Variants in RALB observed in about 807,000 individuals in gnomAD.
The protein encoded by RALB is ras-related protein Ral-B.
In RALB, 16 loss-of-function variants were observed where a neutral mutation model predicts 21.3. The observed-to-expected ratio is 0.75, with a 90% confidence interval of 0.51 to 1.14. The LOEUF (loss-of-function observed/expected upper bound fraction) is 1.14. RALB is among the 50% of genes most tolerant of loss of function. The probability of loss-of-function intolerance (pLI) is 0.00; values close to 1 mark genes in which losing one functional copy is unlikely to be tolerated. For synonymous variants in RALB, 93 were observed against 96.1 expected (o/e 0.97, Z 0.19); for missense variants, 161 against 256.2 (o/e 0.63, Z 2.54).
At chr2:120,259,550 G>A (rs1247860408) in intron 1 of RALB, among the ~76,000 whole-genome samples, 1 of 152,026 alleles carries the variant, frequency 6.6e-6, no homozygotes, top group Non-Finnish European at 1.5e-5. Context: ...CACCAGAGCA[G>A]CTAGATACAG....
rs185940076 is a variant in RALB at position 120,286,337 on chromosome 2, G to A, written c.323+255G>A. Among the ~76,000 whole-genome samples, 290 of 152,228 alleles carry A rather than the reference G, an allele frequency of 1.9e-3. 2 individuals are homozygous for A. The Middle Eastern group carries it at 0.024, about 13-fold the overall frequency. ...TAATTTTAAGAGTCTTACTGTCCCCGAAAACAATGAAGCTATTCCATATAA... is the reference window on the plus strand; with the variant it reads ...TAATTTTAAGAGTCTTACTGTCCCCAAAAACAATGAAGCTATTCCATATAA... On this transcript the variant is annotated intron_variant, in intron 3 of 4. Transcript: ENST00000272519.
Position 120,252,882 on chromosome 2 carries a change from C to T in RALB, c.-146C>T, listed in dbSNP as rs1689088396. ...CGAGCCCGGCAGCTCAATGACAAAT[C>T]GGTGGAGGACGGCTGGGGTCCGGCC... On this transcript the variant is annotated 5_prime_UTR_variant, in exon 1 of 5. Coordinates refer to ENST00000272519, the MANE Select transcript of RALB (RefSeq NM_002881.3). 2 of 985,482 alleles carry T rather than the reference C, an allele frequency of 2.0e-6. No homozygotes were observed. Among genetic ancestry groups the T allele is most frequent in the Non-Finnish European group, 2.4e-6 (2 of 829,996 alleles). The allele number at this position is 985,482 out of a possible 1,614,324, so 61.0% of individuals were successfully genotyped here.
intron 2 of RALB, among the ~76,000 whole-genome samples, chr2:120,281,980 T>C (rs527310351): frequency 2.6e-5 from 4 of 152,270 alleles, no homozygotes; most frequent in Admixed American, 2.6e-4. Flanking sequence ...CAGCATCTAG[T>C]GCGTGGAGGC....
intron 1 of RALB, among the ~76,000 whole-genome samples, chr2:120,267,927 G>A (rs185825448): frequency 6.6e-6 from 1 of 152,224 alleles, no homozygotes; most frequent in East Asian, 1.9e-4. Flanking sequence ...AAGTAGCTGG[G>A]ATTACAGGCA....
Position 120,252,892 on chromosome 2 carries a change from C to T in RALB, c.-136C>T. 2.0e-6 allele frequency: 2 copies of T among 985,514 alleles called. No homozygotes were observed. The highest frequency in any genetic ancestry group is 1.2e-6 in the Non-Finnish European group (1 of 830,018). 61.0% of individuals were successfully genotyped at this position (985,514 alleles called of 1,614,324 possible). A position where few individuals can be genotyped will look rare whatever the true frequency, so the allele number is the denominator to read the frequency against. The stretch of plus-strand genomic sequence containing the variant: ...AGCTCAATGACAAATCGGTGGAGGA[C>T]GGCTGGGGTCCGGCCCCGGGAGGGG... On this transcript the variant is annotated 5_prime_UTR_variant, in exon 1 of 5. It adds an upstream start codon to the 5' untranslated region. Transcript: ENST00000272519.
intron 1 of RALB, among the ~76,000 whole-genome samples, chr2:120,254,110 T>C (rs1384636563): frequency 6.6e-6 from 1 of 152,156 alleles, no homozygotes. Flanking sequence ...GCACTGCATA[T>C]TGGGAAAAAC....
At chr2:120,282,810 T>G (rs1262770864) in intron 2 of RALB, among the ~76,000 whole-genome samples, 1 of 152,164 alleles carries the variant, frequency 6.6e-6, no homozygotes, top group African/African-American at 2.4e-5. Flanking sequence ...TTCTAATCGA[T>G]TTTCTAAAAC....
At chr2:120,283,417 A>G (rs1450452779) in intron 2 of RALB, among the ~76,000 whole-genome samples, 3 of 151,812 alleles carry the variant, frequency 2.0e-5, no homozygotes, top group Admixed American at 2.0e-4. Context: ...CACCATTCAG[A>G]CTCTTTGTTC....
intron 1 of RALB, among the ~76,000 whole-genome samples, chr2:120,259,342 G>C (rs914656509): frequency 6.6e-6 from 1 of 152,146 alleles, no homozygotes; most frequent in African/African-American, 2.4e-5. Flanking sequence ...TACAATCCCT[G>C]AGCTAGATAC....
intron 2 of RALB, among the ~76,000 whole-genome samples, chr2:120,279,639 T>A (rs1689934706): frequency 6.6e-6 from 1 of 152,152 alleles, no homozygotes. Flanking sequence ...CTGCAGATTT[T>A]GGTATTTGGT....
chr2:120,292,050 T>C (rs1690317617), intron 4 of RALB, among the ~76,000 whole-genome samples: 1 of 152,260 alleles, frequency 6.6e-6, no homozygotes. Context: ...TCATATTTTG[T>C]CTGCTTGGGT....
chr2:120,272,959 C>T (rs981409195), intron 1 of RALB, among the ~76,000 whole-genome samples: 6 of 152,144 alleles, frequency 3.9e-5, no homozygotes, highest in African/African-American at 1.4e-4. Flanking sequence ...GTTTTTGGTA[C>T]AAGAAAAAAC....
chr2:120,253,798 G>T (rs372353180), intron 1 of RALB: 1 of 791,974 alleles, frequency 1.3e-6, no homozygotes. Context: ...AAGAGACTTG[G>T]CTGATTGCTC....
At chr2:120,284,763 C>T (rs921203407) in intron 2 of RALB, among the ~76,000 whole-genome samples, 18 of 152,052 alleles carry the variant, frequency 1.2e-4, no homozygotes, top group Non-Finnish European at 2.4e-4. Flanking sequence ...AACCAACCTA[C>T]GTATTAGTAG....
At chr2:120,261,286 G>A (rs539832221) in intron 1 of RALB, among the ~76,000 whole-genome samples, 44 of 152,212 alleles carry the variant, frequency 2.9e-4, no homozygotes, top group Admixed American at 1.3e-3. Flanking sequence ...GAAGGGTAGT[G>A]GTAGGAATTA....
chr2:120,277,923 G>C (rs943095894), intron 1 of RALB, among the ~76,000 whole-genome samples: 1 of 96,820 alleles, frequency 1.0e-5, no homozygotes, highest in African/African-American at 4.6e-5. Flanking sequence ...GTGAGTTAAT[G>C]TGAGCGTGTG....
intron 2 of RALB, among the ~76,000 whole-genome samples, chr2:120,280,237 A>G (rs1362273687): frequency 3.3e-5 from 5 of 152,222 alleles, no homozygotes; most frequent in South Asian, 2.1e-4. Flanking sequence ...TAGAAATGCC[A>G]TGTAGTCACA....
chr2:120,277,233 ATG>A (rs1234443561), intron 1 of RALB, among the ~76,000 whole-genome samples: 1 of 151,688 alleles, frequency 6.6e-6, no homozygotes, highest in African/African-American at 2.4e-5. Context: ...GTGAGAGCAT[ATG>A]TGTGTGTGAG....
intron 1 of RALB, among the ~76,000 whole-genome samples, chr2:120,275,807 C>G (rs983862878): frequency 5.3e-5 from 8 of 152,084 alleles, no homozygotes; most frequent in African/African-American, 1.9e-4. Flanking sequence ...CCAAGGAAAT[C>G]AAGGATGCAG....
Sources: gnomAD v4.1 joint callset for allele counts (sites outside exome capture counted in the v4.1 genomes callset) on GRCh38, gnomAD v4.1.1 for gene constraint, MANE v1.5 for transcripts, NCBI Gene and HGNC (gene_info 2026-07-23, HGNC 2026-07-21) for gene names.